WWOX: variants seen among roughly 807,000 people sequenced by gnomAD.
The protein encoded by WWOX is WW domain containing oxidoreductase.
A neutral mutation model predicts 46.2 loss-of-function variants in WWOX; 69 were observed. The ratio of observed to expected loss-of-function variants is 1.49; its 90% CI spans 1.23 to 1.82. WWOX has a LOEUF of 1.82. Among genes scored for constraint, WWOX ranks in the 40% most tolerant of loss-of-function variants. The pLI is 0.00. For synonymous variants in WWOX, 359 were observed against 202.6 expected (o/e 1.77, Z -6.56); for missense variants, 919 against 542.6 (o/e 1.69, Z -6.89).
At chr16:78,371,710 A>C (rs2151921997) in intron 5 of WWOX, among the ~76,000 whole-genome samples, 1 of 151,548 alleles carries the variant, frequency 6.6e-6, no homozygotes, top group South Asian at 2.1e-4. Context: ...TTTTATTTTT[A>C]TTTTGCCTAA....
chr16:78,535,305 CTCTG>C (rs1185260157), intron 8 of WWOX: 4 of 152,206 alleles, frequency 2.6e-5, no homozygotes, highest in African/African-American at 9.6e-5. Flanking sequence ...TGGAAACGCC[CTCTG>C]TCTGAGTCCG....
intron 8 of WWOX, among the ~76,000 whole-genome samples, chr16:78,812,734 C>T (rs894037701): frequency 1.4e-5 from 2 of 147,030 alleles, no homozygotes; most frequent in African/African-American, 2.7e-5. Flanking sequence ...CTCCCACCCC[C>T]TAAAAAAAAA....
chr16:78,675,895 T>G (rs1390073028), intron 8 of WWOX, among the ~76,000 whole-genome samples: 1 of 151,956 alleles, frequency 6.6e-6, no homozygotes, highest in Non-Finnish European at 1.5e-5. Flanking sequence ...TTATAGAAAA[T>G]TTGGAAAATG....
intron 8 of WWOX, among the ~76,000 whole-genome samples, chr16:78,698,114 A>G (rs1463026911): frequency 2.0e-5 from 3 of 152,176 alleles, no homozygotes; most frequent in African/African-American, 7.2e-5. Flanking sequence ...CAACTCTCTC[A>G]TTGGCATCTT....
At chr16:78,728,273 C>T (rs1316708013) in intron 8 of WWOX, among the ~76,000 whole-genome samples, 11 of 151,864 alleles carry the variant, frequency 7.2e-5, no homozygotes, top group Non-Finnish European at 1.0e-4. Flanking sequence ...CTGTGTTGCC[C>T]AAGCTGGTCT....
chr16:79,115,082 C>G (rs1306870753), intron 8 of WWOX, among the ~76,000 whole-genome samples: 3 of 152,172 alleles, frequency 2.0e-5, no homozygotes, highest in Non-Finnish European at 4.4e-5. Context: ...GGGAAGGGAC[C>G]AGGTCCCTCA....
chr16:78,786,092 T>G (rs956704203), intron 8 of WWOX, among the ~76,000 whole-genome samples: 1 of 152,122 alleles, frequency 6.6e-6, no homozygotes, highest in Non-Finnish European at 1.5e-5. Context: ...GAATTTTTAG[T>G]AGAGGCGAGA....
At chr16:78,964,455 A>T (rs146041809) in intron 8 of WWOX, among the ~76,000 whole-genome samples, 1,635 of 152,282 alleles carry the variant, frequency 0.011, 13 homozygotes, top group Non-Finnish European at 0.016. Flanking sequence ...GGAACTTTGA[A>T]CTTGAGAAAG....
At chr16:78,824,235 A>G (rs548281741) in intron 8 of WWOX, among the ~76,000 whole-genome samples, 1 of 152,324 alleles carries the variant, frequency 6.6e-6, no homozygotes, top group Admixed American at 6.5e-5. Context: ...ATGTAGACAC[A>G]TTTAGATGCT....
At chr16:78,263,645 A>G (rs2079295463) in intron 5 of WWOX, among the ~76,000 whole-genome samples, 1 of 152,212 alleles carries the variant, frequency 6.6e-6, no homozygotes, top group African/African-American at 2.4e-5. Flanking sequence ...GAGAAAGAAA[A>G]GAAAGAAGTG....
In WWOX at chr16:78,393,655, G is replaced by T. The variant is rs556979819; in HGVS notation, c.605+6707G>T. 2.6e-4 allele frequency among the ~76,000 whole-genome samples: 40 copies of T among 152,240 alleles called. No individual in the cohort carries two copies. The South Asian group carries it at 8.3e-3, about 32-fold the overall frequency. ...TCAGCTTGTATAATACTGACCAAGG[G>T]TTTTGATTCTTCCTGGAATTGATAG... On this transcript the variant is annotated intron_variant, in intron 6 of 8. Coordinates refer to ENST00000566780, the MANE Select transcript of WWOX (RefSeq NM_016373.4).
intron 8 of WWOX, among the ~76,000 whole-genome samples, chr16:78,742,990 A>G (rs952052447): frequency 5.3e-5 from 8 of 151,716 alleles, no homozygotes; most frequent in Non-Finnish European, 8.8e-5. Context: ...CAAGCACAGT[A>G]CCCCAACTCC....
intron 8 of WWOX, among the ~76,000 whole-genome samples, chr16:78,505,775 A>G (rs985611070): frequency 2.6e-5 from 4 of 152,152 alleles, no homozygotes; most frequent in Non-Finnish European, 5.9e-5. Context: ...GGAAGAGGCA[A>G]CTAGTTCCAG....
chr16:78,862,698 A>T (rs1382893708), intron 8 of WWOX, among the ~76,000 whole-genome samples: 1 of 152,066 alleles, frequency 6.6e-6, no homozygotes, highest in Non-Finnish European at 1.5e-5. Flanking sequence ...GGAGAAGCTG[A>T]TGTCTCAGCT....
At chr16:78,551,204 C>G (rs1342489317) in intron 8 of WWOX, 1 of 151,822 alleles carries the variant, frequency 6.6e-6, no homozygotes, top group Non-Finnish European at 1.5e-5. Context: ...TTCCATGAAA[C>G]AAAATACTGT....
intron 8 of WWOX, among the ~76,000 whole-genome samples, chr16:78,916,501 A>C (rs2045255261): frequency 6.6e-6 from 1 of 152,230 alleles, no homozygotes; most frequent in Admixed American, 6.5e-5. Flanking sequence ...AGCTTTGTAA[A>C]GGAGAATTAC....
intron 5 of WWOX, among the ~76,000 whole-genome samples, chr16:78,263,996 C>CTTTTTTTTTTTTTTTTGT (rs2079305167): frequency 1.3e-5 from 1 of 78,816 alleles, no homozygotes; most frequent in Non-Finnish European, 2.2e-5. Flanking sequence ...GCTGTGAAAT[C>CTTTTTTTTTTTTTTTTGT]TTTTTTTTTT....
intron 5 of WWOX, among the ~76,000 whole-genome samples, chr16:78,293,160 C>G (rs2079886747): frequency 6.6e-6 from 1 of 152,228 alleles, no homozygotes; most frequent in Non-Finnish European, 1.5e-5. Context: ...TCCATTCTAG[C>G]TGTGTGGCTC....
intron 8 of WWOX, among the ~76,000 whole-genome samples, chr16:78,451,686 A>G (rs2083694713): frequency 6.6e-6 from 1 of 152,204 alleles, no homozygotes; most frequent in East Asian, 1.9e-4. Context: ...TGTATAGTGG[A>G]TACTAAAGCA....
Sources: gnomAD v4.1 joint callset for allele counts (sites outside exome capture counted in the v4.1 genomes callset) on GRCh38, gnomAD v4.1.1 for gene constraint, MANE v1.5 for transcripts, NCBI Gene and HGNC (gene_info 2026-07-23, HGNC 2026-07-21) for gene names.